TMEM244: variants seen among roughly 807,000 people sequenced by gnomAD.
TMEM244 encodes transmembrane protein 244, also known as putative transmembrane protein 244.
In TMEM244, 13 loss-of-function variants were observed where a neutral mutation model predicts 15.8. That is an observed-to-expected ratio of 0.82 (90% CI 0.53 to 1.30). TMEM244 has a LOEUF of 1.30. Among genes scored for constraint, TMEM244 ranks in the 50% most tolerant of loss-of-function variants. The probability of loss-of-function intolerance (pLI) is 0.00; values close to 1 mark genes in which losing one functional copy is unlikely to be tolerated. For missense variants in TMEM244, 161 were observed against 144.9 expected (o/e 1.11, Z -0.57); for synonymous variants, 45 against 48.7 (o/e 0.92, Z 0.32).
intron 1 of TMEM244, among the ~76,000 whole-genome samples, chr6:129,846,630 A>T (rs1776564351): frequency 6.6e-6 from 1 of 152,176 alleles, no homozygotes; most frequent in African/African-American, 2.4e-5. Context: ...TGACAAAATG[A>T]TTCTAAACCT....
At chr6:129,837,233 A>T (rs943117809) in intron 3 of TMEM244, among the ~76,000 whole-genome samples, 5 of 152,266 alleles carry the variant, frequency 3.3e-5, no homozygotes, top group African/African-American at 9.6e-5. Flanking sequence ...CTCTTGGCAG[A>T]AACCCTACAA....
At chr6:129,850,074 T>C (rs1776615749) in intron 1 of TMEM244, among the ~76,000 whole-genome samples, 1 of 152,170 alleles carries the variant, frequency 6.6e-6, no homozygotes, top group Non-Finnish European at 1.5e-5. Flanking sequence ...CTTGTAACTT[T>C]CTGAACATTT....
intron 3 of TMEM244, among the ~76,000 whole-genome samples, chr6:129,841,597 G>A (rs911240335): frequency 1.3e-5 from 2 of 151,994 alleles, no homozygotes; most frequent in Admixed American, 1.3e-4. Context: ...ATAAGGTGTT[G>A]AGCAAGATTT....
In TMEM244 at chr6:129,861,134, C is replaced by T. The variant is rs752746260; in HGVS notation, c.33+22G>A. ...GCTAGGCAGCAACTGAAAGGCAATG[C>T]AAAGAAGTAATTTCTCTTTACCTTG... On this transcript the variant is annotated intron_variant, in intron 1 of 4. Transcript: ENST00000368143. 3.1e-6 allele frequency: 5 copies of T among 1,613,160 alleles called. No homozygotes were observed. In the African/African-American group the frequency reaches 5.3e-5, roughly 17 times the overall value.
chr6:129,859,237 A>C (rs1377900152), intron 1 of TMEM244, among the ~76,000 whole-genome samples: 1 of 152,220 alleles, frequency 6.6e-6, no homozygotes, highest in African/African-American at 2.4e-5. Flanking sequence ...AAGTTTCATA[A>C]GGGATTTGTA....
chr6:129,833,344 A>G (rs1776357334), intron 4 of TMEM244, 116 bp downstream of exon 4: 4 of 1,149,776 alleles, frequency 3.5e-6, no homozygotes, highest in Admixed American at 3.4e-5. Context: ...TTCAGTTTTT[A>G]TCATCTAGCT....
At chr6:129,860,131 G>GTGTT (rs1776780138) in intron 1 of TMEM244, among the ~76,000 whole-genome samples, 1 of 146,354 alleles carries the variant, frequency 6.8e-6, no homozygotes, top group Non-Finnish European at 1.5e-5. Flanking sequence ...GTGTGTGTGT[G>GTGTT]TGTGTGTGTG....
At chr6:129,846,028 G>A (rs192920476) in intron 1 of TMEM244, among the ~76,000 whole-genome samples, 176 bp from the exon 2 acceptor site, 51 of 152,154 alleles carry the variant, frequency 3.4e-4, no homozygotes, top group African/African-American at 1.2e-3. Flanking sequence ...CTTCTTTAGC[G>A]GTATAATTTT....
rs4629709 is a variant in TMEM244, at chr6:129,833,541, A to G, written c.238T>C (p.Phe80Leu). ...CATTCTTCCACAACTGGAACAAAAA[A>G]CAATCCACAAACAAAGTAGGTGACC... ...TEVTYFVCGL[F>L]FVPVVEEWVW... Residue 80 changes from phenylalanine to leucine, a missense_variant, in exon 4 of 5, where the codon TTT (phenylalanine) becomes CTT (leucine). By Grantham distance (22) the Phe-to-Leu change is conservative. Coordinates refer to ENST00000368143, the MANE Select transcript of TMEM244 (RefSeq NM_001010876.2). 1,256,821 of 1,611,656 alleles carry G rather than the reference A, an allele frequency of 0.78. 500,202 individuals are homozygous for G. Among genetic ancestry groups the G allele is most frequent in the Non-Finnish European group, 0.82 (971,359 of 1,179,120 alleles).
chr6:129,841,982 G>A (rs1007059034), intron 3 of TMEM244, among the ~76,000 whole-genome samples: 4 of 152,060 alleles, frequency 2.6e-5, no homozygotes, highest in Non-Finnish European at 5.9e-5. Flanking sequence ...CAAAATTAAA[G>A]ATCTAATACG....
At chr6:129,846,658 T>C (rs1489308000) in intron 1 of TMEM244, among the ~76,000 whole-genome samples, 1 of 152,156 alleles carries the variant, frequency 6.6e-6, no homozygotes, top group African/African-American at 2.4e-5. Flanking sequence ...GATAATAATA[T>C]AATCTTGCCA....
intron 3 of TMEM244, among the ~76,000 whole-genome samples, chr6:129,838,704 A>G (rs1228823591): frequency 6.6e-6 from 1 of 152,220 alleles, no homozygotes; most frequent in Non-Finnish European, 1.5e-5. Flanking sequence ...AGAAGAAAAG[A>G]GAGAAGAATC....
intron 2 of TMEM244, among the ~76,000 whole-genome samples, chr6:129,845,028 C>A (rs932141672): frequency 6.6e-6 from 1 of 152,074 alleles, no homozygotes; most frequent in African/African-American, 2.4e-5. Context: ...TCAACCATAG[C>A]AAGACAAAAA....
chr6:129,835,687 G>T (rs1225661575), intron 3 of TMEM244, among the ~76,000 whole-genome samples: 1 of 152,122 alleles, frequency 6.6e-6, no homozygotes, highest in East Asian at 1.9e-4. Flanking sequence ...TGGAGAAACA[G>T]TGCACTCCTG....
chr6:129,854,960 G>C (rs991270885), intron 1 of TMEM244, among the ~76,000 whole-genome samples: 1 of 152,112 alleles, frequency 6.6e-6, no homozygotes, highest in Non-Finnish European at 1.5e-5. Context: ...CCTTTAAGTG[G>C]TTCACAAAGG....
intron 1 of TMEM244, among the ~76,000 whole-genome samples, chr6:129,860,438 T>G (rs1192206248): frequency 6.6e-6 from 1 of 152,144 alleles, no homozygotes; most frequent in African/African-American, 2.4e-5. Context: ...ATGATGGTAG[T>G]GTAAAGAAAA....
rs1208031635 is a variant in TMEM244, at chr6:129,857,325, C to CAT, written c.33+3830_33+3831insAT. Among the ~76,000 whole-genome samples the CAT allele has an allele frequency of 2.2e-3, 333 of 151,332 alleles. 2 individuals carry two copies. The highest frequency in any genetic ancestry group is 7.8e-3 in the African/African-American group (320 of 41,242). On this transcript the variant is annotated intron_variant, in intron 1 of 4. Coordinates refer to ENST00000368143, the MANE Select transcript of TMEM244 (RefSeq NM_001010876.2). ...TATTTTATATGTGTGTATACACACACACACACACACACACACATATATATA... is the reference window on the plus strand; with the variant it reads ...TATTTTATATGTGTGTATACACACACATACACACACACACACACATATATATA...
intron 4 of TMEM244, among the ~76,000 whole-genome samples, chr6:129,833,120 T>C (rs1776353780): frequency 6.6e-6 from 1 of 152,214 alleles, no homozygotes; most frequent in Non-Finnish European, 1.5e-5. Context: ...TGTTAATTTA[T>C]TAGTTTTGAA....
chr6:129,854,460 G>T (rs1252756768), intron 1 of TMEM244, among the ~76,000 whole-genome samples: 1 of 152,214 alleles, frequency 6.6e-6, no homozygotes, highest in South Asian at 2.1e-4. Flanking sequence ...AAAAGGAAGA[G>T]GTAAGAAGAG....
Sources: gnomAD v4.1 joint callset for allele counts (sites outside exome capture counted in the v4.1 genomes callset) on GRCh38, gnomAD v4.1.1 for gene constraint, MANE v1.5 for transcripts, NCBI Gene and HGNC (gene_info 2026-07-23, HGNC 2026-07-21) for gene names.